The following TBX22 variants were observed in gnomAD, a reference collection of about 807,000 sequenced individuals.
The protein encoded by TBX22 is T-box transcription factor TBX22.
A neutral mutation model predicts 30.1 loss-of-function variants in TBX22; 8 were observed. The ratio of observed to expected loss-of-function variants is 0.27; its 90% confidence interval spans 0.16 to 0.48. The LOEUF is 0.48. Ranked by LOEUF, TBX22 falls within the 20% of genes least tolerant of loss-of-function variation. The probability of loss-of-function intolerance (pLI) is 0.99; values close to 1 mark genes in which losing one functional copy is unlikely to be tolerated. For synonymous variants in TBX22, 173 were observed against 149.1 expected (o/e 1.16, Z -1.17); for missense variants, 463 against 400.5 (o/e 1.16, Z -1.33).
At position 80,030,576 on chromosome X, in the gene TBX22, G is replaced by T; in HGVS notation, c.1028G>T (p.Cys343Phe). 8.3e-7 allele frequency: 1 copy of T among 1,211,408 alleles called. No individual in the cohort carries two copies. Residue 343 changes from cysteine (C) to phenylalanine (F), a missense_variant, in exon 9 of 9, where the codon TGC becomes TTC. By Grantham distance (205) the Cys-to-Phe change is radical. Coordinates refer to ENST00000373296, the MANE Select transcript of TBX22 (RefSeq NM_001109878.2). ...TTGAACTCCTTACTTTCTCCACTTTGCTTTTCACCTATGTTTCATTTACCT... is the reference window on the plus strand; with the variant it reads ...TTGAACTCCTTACTTTCTCCACTTTTCTTTTCACCTATGTTTCATTTACCT... ...SPLNSLLSPLCFSPMFHLPTS... is the reference protein window; with the variant it reads ...SPLNSLLSPLFFSPMFHLPTS...
intron 1 of TBX22, among the ~76,000 whole-genome samples, chrX:80,019,511 G>A (rs1923589452): frequency 2.7e-5 from 3 of 111,329 alleles, no homozygotes; most frequent in African/African-American, 6.5e-5. Context: ...CACATGTTTC[G>A]CTGCCCCTCC....
intron 1 of TBX22, among the ~76,000 whole-genome samples, chrX:80,015,646 T>A (rs987225593): frequency 2.7e-5 from 3 of 111,460 alleles, no homozygotes; most frequent in Non-Finnish European, 5.6e-5. Flanking sequence ...CAAGCACACA[T>A]ACCACACACA....
At position 80,023,169 on chromosome X, in the gene TBX22, G is replaced by C. The variant is rs1016944586; in HGVS notation, c.285G>C (p.Glu95Asp). The C allele has an allele frequency of 2.5e-6, 3 of 1,210,071 alleles. No individual in the cohort carries two copies. The African/African-American group carries it at 5.2e-5, about 21-fold the overall frequency. ...ESLEEKDIQM[E>D]LQGSELWKRF... is the part of the protein sequence containing the mutation. The stretch of plus-strand genomic sequence containing the variant: ...TGGAAGAGAAAGATATTCAAATGGA[G>C]CTTCAAGGATCTGAACTGTGGAAAA... Residue 95 changes from glutamate (E) to aspartate (D), a missense_variant, in exon 3 of 9, where the codon GAG becomes GAC. Transcript: ENST00000373296.
chrX:80,024,292 C>T, intron 4 of TBX22, 128 bp downstream of exon 4: 1 of 589,884 alleles, frequency 1.7e-6, no homozygotes, highest in South Asian at 2.5e-5. Flanking sequence ...GGATTGCTCT[C>T]CTGTGGGCTT....
intron 1 of TBX22, among the ~76,000 whole-genome samples, chrX:80,016,646 C>T (rs983635520): frequency 9.0e-6 from 1 of 111,487 alleles, no homozygotes; most frequent in South Asian, 3.7e-4. Context: ...TCCTAGCCCA[C>T]TTTCTTTGAG....
chrX:80,020,138 G>A (rs1026969952), intron 1 of TBX22, among the ~76,000 whole-genome samples: 15 of 111,758 alleles, frequency 1.3e-4, no homozygotes, highest in African/African-American at 4.9e-4. Flanking sequence ...TTAAAGGCAA[G>A]ACAACACCTG....
At chrX:80,028,658 T>A (rs1200861938) in intron 8 of TBX22, among the ~76,000 whole-genome samples, 5 of 112,267 alleles carry the variant, frequency 4.5e-5, no homozygotes, top group Non-Finnish European at 9.4e-5. Flanking sequence ...AATAATTAAA[T>A]AATGCAGGCT....
At chrX:80,016,835 G>A (rs893708715) in intron 1 of TBX22, among the ~76,000 whole-genome samples, 49 of 109,297 alleles carry the variant, frequency 4.5e-4, no homozygotes, top group African/African-American at 1.6e-3. Context: ...GTGAAACCCC[G>A]TCTCTACTAA....
rs1002733843 is a variant in TBX22 at position 80,023,097 on chromosome X, C to T, written c.213C>T (p.Ser71=). 2.5e-6 allele frequency: 3 copies of T among 1,211,950 alleles called. No homozygotes were observed. The South Asian group carries it at 5.3e-5, about 21-fold the overall frequency. The change falls in exon 3 of 9, where the codon TCC becomes TCT. Residue 71 remains serine (S), a synonymous_variant. Coordinates refer to ENST00000373296, the MANE Select transcript of TBX22 (RefSeq NM_001109878.2). ...QPKTEPSTSA[S]SGCGSDSGYG... ...AGACAGAGCCCTCAACATCTGCTTC[C>T]TCTGGCTGCGGCAGCGACAGCGGCT...
chrX:80,024,542 A>G (rs986175880), intron 4 of TBX22, among the ~76,000 whole-genome samples: 2 of 110,966 alleles, frequency 1.8e-5, no homozygotes, highest in African/African-American at 6.6e-5. Context: ...AGAAATCCCC[A>G]GGCTCTATGG....
chrX:80,017,923 G>T (rs1179591207), intron 1 of TBX22, among the ~76,000 whole-genome samples: 1 of 111,905 alleles, frequency 8.9e-6, no homozygotes, highest in African/African-American at 3.2e-5. Context: ...AAATTCAACA[G>T]AATGCATTTT....
At chrX:80,023,329 T>C (rs987031683) in intron 3 of TBX22, 89 bp downstream of exon 3, 4 of 908,402 alleles carry the variant, frequency 4.4e-6, no homozygotes, top group Admixed American at 2.3e-5. Flanking sequence ...TCCAGTTTTA[T>C]GCTCTGGTAC....
At chrX:80,022,714 G>A in intron 2 of TBX22, 1 of 433,541 alleles carries the variant, frequency 2.3e-6, no homozygotes, top group East Asian at 3.9e-5. Context: ...CCGCCAGCGG[G>A]TGGCTGCTGT....
At chrX:80,026,645 G>A in intron 5 of TBX22, 59 bp from the exon 6 acceptor site, 15 of 1,126,617 alleles carry the variant, frequency 1.3e-5, no homozygotes, top group Non-Finnish European at 1.7e-5. Context: ...TCAGGAGAGG[G>A]AACTAGGGTT....
chrX:80,025,230 T>C (rs1365154383), intron 4 of TBX22, among the ~76,000 whole-genome samples: 1 of 111,469 alleles, frequency 9.0e-6, no homozygotes, highest in Non-Finnish European at 1.9e-5. Context: ...GACAGTGGCC[T>C]AGACAAGACA....
chrX:80,017,825 A>G (rs1923520739), intron 1 of TBX22, among the ~76,000 whole-genome samples: 1 of 111,875 alleles, frequency 8.9e-6, no homozygotes, highest in Non-Finnish European at 1.9e-5. Flanking sequence ...TTCAGTTAGA[A>G]TGAGAAATAC....
intron 1 of TBX22, among the ~76,000 whole-genome samples, chrX:80,018,162 G>T (rs1238908865): frequency 8.9e-6 from 1 of 112,121 alleles, no homozygotes; most frequent in Non-Finnish European, 1.9e-5. Context: ...GAGGGATTCA[G>T]TGTGAGAATT....
chrX:80,031,430 G>C lies in TBX22; in HGVS notation c.*319G>C. 1 of 219,962 alleles carries C rather than the reference G, an allele frequency of 4.5e-6. No individual in the cohort carries two copies. The highest frequency in any genetic ancestry group is 8.2e-6 in the Non-Finnish European group (1 of 122,437). 18.1% of individuals were successfully genotyped at this position (219,962 alleles called of 1,213,427 possible). A position where few individuals can be genotyped will look rare whatever the true frequency, so the allele number is the denominator to read the frequency against. ...GGGATTTTCAATTATACTGAAGCTA[G>C]TTCACCACGTTAACTGCATTTTACA... On this transcript the variant is annotated 3_prime_UTR_variant, in exon 9 of 9. Coordinates refer to ENST00000373296, the MANE Select transcript of TBX22 (RefSeq NM_001109878.2).
intron 1 of TBX22, among the ~76,000 whole-genome samples, chrX:80,016,245 C>G (rs763067641): frequency 8.9e-6 from 1 of 111,943 alleles, no homozygotes; most frequent in Admixed American, 9.4e-5. Flanking sequence ...TTGTAAATAT[C>G]CAGGAGTAAG....
Sources: allele counts gnomAD v4.1 joint callset (sites outside exome capture counted in the v4.1 genomes callset), GRCh38; gene constraint gnomAD v4.1.1; transcripts MANE v1.5; gene names NCBI Gene and HGNC (gene_info 2026-07-23, HGNC 2026-07-21).